Variants in CSMD1 observed in about 807,000 individuals in gnomAD.
CSMD1 encodes the protein CUB and sushi domain-containing protein 1.
CSMD1 carries 213 observed loss-of-function variants against 417.5 expected under a neutral mutation model. That is an observed-to-expected ratio of 0.51 (90% CI 0.46 to 0.57). CSMD1 has a LOEUF of 0.57. Among genes scored for constraint, CSMD1 ranks in the 20% least tolerant of loss-of-function variants. The pLI, the probability that CSMD1 is intolerant of heterozygous loss-of-function variation, is 0.00. For synonymous variants in CSMD1, 2,862 were observed against 1,736.8 expected, an observed-to-expected ratio of 1.65 and a Z score of -16.11; for missense variants, 6,923 against 4,529.7, an observed-to-expected ratio of 1.53 and a Z score of -15.17.
intron 65 of CSMD1, 133 bp from the exon 66 acceptor site, chr8:2,951,408 C>A: frequency 1.1e-6 from 1 of 883,012 alleles, no homozygotes; most frequent in Non-Finnish European, 1.7e-6. Context: ...ACAAGAGGAG[C>A]CTAGTGCATC....
chr8:4,174,557 A>C (rs994004955), intron 3 of CSMD1, among the ~76,000 whole-genome samples: 1 of 150,932 alleles, frequency 6.6e-6, no homozygotes, highest in African/African-American at 2.4e-5. Context: ...AGATGTTTTT[A>C]TAAATACTGC....
rs71207091 is a variant in CSMD1 at position 4,455,929 on chromosome 8, CAAAAAAAAAAAAA to C, written c.303-35877_303-35865del. Reference sequence around the variant, plus strand: ...GGGTGACAAAGTGAGACTCCAACTCCAAAAAAAAAAAAAAAAAAAAAAAAAAAAAAAAAATGCA... The same window carrying C: ...GGGTGACAAAGTGAGACTCCAACTCCAAAAAAAAAAAAAAAAAAAAATGCA... On this transcript the variant is annotated intron_variant, in intron 2 of 69. Coordinates refer to ENST00000635120, the MANE Select transcript of CSMD1 (RefSeq NM_033225.6). Among the ~76,000 whole-genome samples, 45 of 11,654 alleles carry C rather than the reference CAAAAAAAAAAAAA, an allele frequency of 3.9e-3. 1 individual carries two copies. The East Asian group carries it at 0.12, about 31-fold the overall frequency. The allele number at this position is 11,654 out of a possible 152,430, so 7.6% of individuals were successfully genotyped here.
chr8:3,304,694 CTG>C (rs1584963164), intron 25 of CSMD1, among the ~76,000 whole-genome samples: 1 of 150,304 alleles, frequency 6.7e-6, no homozygotes. Context: ...GCAATAAAAA[CTG>C]CACGTTTTTA....
At chr8:4,918,769 T>A (rs562077327) in intron 1 of CSMD1, among the ~76,000 whole-genome samples, 1 of 152,232 alleles carries the variant, frequency 6.6e-6, no homozygotes. Flanking sequence ...GGTATGTGCA[T>A]ATGGAATTTT....
chr8:3,384,720 A>AT (rs1554533456), intron 18 of CSMD1, among the ~76,000 whole-genome samples: 3 of 118,292 alleles, frequency 2.5e-5, no homozygotes, highest in African/African-American at 1.0e-4. Context: ...ATATATTTAT[A>AT]ATATTTATAT....
chr8:4,510,847 C>A (rs1802785322), intron 2 of CSMD1, among the ~76,000 whole-genome samples: 1 of 139,720 alleles, frequency 7.2e-6, no homozygotes, highest in Non-Finnish European at 1.6e-5. Flanking sequence ...CCTCCCTCCT[C>A]CCTCCTCCCT....
At chr8:4,422,545 T>C (rs1797308861) in intron 2 of CSMD1, among the ~76,000 whole-genome samples, 2 of 152,120 alleles carry the variant, frequency 1.3e-5, no homozygotes, top group South Asian at 2.1e-4. Context: ...GGAAGGATGC[T>C]GTCTACAAGT....
intron 3 of CSMD1, among the ~76,000 whole-genome samples, chr8:4,097,067 C>G (rs768393205): frequency 3.3e-5 from 5 of 152,168 alleles, no homozygotes; most frequent in South Asian, 2.1e-4. Flanking sequence ...TAAATGTTTA[C>G]TCTTTAATTA....
intron 2 of CSMD1, among the ~76,000 whole-genome samples, chr8:4,618,037 G>C (rs572864249): frequency 1.6e-4 from 24 of 152,294 alleles, no homozygotes; most frequent in African/African-American, 5.5e-4. Flanking sequence ...AGATCACTTA[G>C]AATATGCACT....
At position 4,593,499 on chromosome 8, in the gene CSMD1, C is replaced by A. The variant is rs61279889; in HGVS notation, c.302+43843G>T. 3.4e-3 allele frequency among the ~76,000 whole-genome samples: 510 copies of A among 152,130 alleles called. 4 individuals carry two copies. Among genetic ancestry groups the A allele is most frequent in the African/African-American group, 0.012 (492 of 41,520 alleles). On this transcript the variant is annotated intron_variant, in intron 2 of 69. Coordinates refer to ENST00000635120, the MANE Select transcript of CSMD1 (RefSeq NM_033225.6). ...ACATAAAAGAGAACGCTTTTAGAGT[C>A]TTGGATTATTTTTCAATTATAAATA... is the stretch of plus-strand genomic sequence containing the variant.
chr8:3,052,444 A>G lies in CSMD1; in HGVS notation c.7660+18T>C, dbSNP rs1268843886. The G allele has an allele frequency of 1.3e-6, 2 of 1,549,940 alleles. No individual in the cohort carries two copies. The highest frequency in any genetic ancestry group is 1.7e-6 in the Non-Finnish European group (2 of 1,146,006). On this transcript the variant is annotated intron_variant, in intron 50 of 69. Transcript: ENST00000635120. ...CACCTAAACCCACAAAGATGGGCAGATGCCCCTGAACACTTACGCTTACAC... is the reference window on the plus strand; with the variant it reads ...CACCTAAACCCACAAAGATGGGCAGGTGCCCCTGAACACTTACGCTTACAC...
intron 1 of CSMD1, among the ~76,000 whole-genome samples, chr8:4,703,874 G>A (rs1454118121): frequency 6.6e-6 from 1 of 152,160 alleles, no homozygotes; most frequent in Non-Finnish European, 1.5e-5. Flanking sequence ...GGACAGCAGG[G>A]TTGGGGGACG....
At chr8:3,263,438 A>G (rs897537494) in intron 26 of CSMD1, among the ~76,000 whole-genome samples, 1 of 152,148 alleles carries the variant, frequency 6.6e-6, no homozygotes. Context: ...TAATTCCCCT[A>G]TGTATATATG....
At chr8:4,573,140 C>G (rs1798965870) in intron 2 of CSMD1, among the ~76,000 whole-genome samples, 1 of 152,182 alleles carries the variant, frequency 6.6e-6, no homozygotes, top group African/African-American at 2.4e-5. Flanking sequence ...AACGCATTCC[C>G]TGTCCCGTTG....
chr8:3,541,923 G>A (rs952316705), intron 10 of CSMD1, among the ~76,000 whole-genome samples: 12 of 152,042 alleles, frequency 7.9e-5, no homozygotes, highest in South Asian at 2.1e-4. Context: ...TTAGCTGGGC[G>A]TGGTGGCTTG....
chr8:4,461,861 C>A (rs575213283), intron 2 of CSMD1, among the ~76,000 whole-genome samples: 1 of 151,716 alleles, frequency 6.6e-6, no homozygotes, highest in Non-Finnish European at 1.5e-5. Flanking sequence ...CTGCCTCAGC[C>A]TCCCGAGTAG....
chr8:3,028,813 G>A (rs1362209856), intron 51 of CSMD1, among the ~76,000 whole-genome samples: 1 of 152,138 alleles, frequency 6.6e-6, no homozygotes, highest in Admixed American at 6.5e-5. Context: ...AGAGTGCTCT[G>A]AACAATACTA....
intron 3 of CSMD1, among the ~76,000 whole-genome samples, chr8:4,095,127 C>G (rs926462470): frequency 1.3e-5 from 2 of 152,072 alleles, no homozygotes; most frequent in African/African-American, 4.8e-5. Flanking sequence ...ATGGAAAGAA[C>G]TTGGGAGGAA....
chr8:3,955,563 C>G (rs138034520), intron 5 of CSMD1, among the ~76,000 whole-genome samples: 337 of 152,262 alleles, frequency 2.2e-3, no homozygotes, highest in African/African-American at 7.8e-3. Context: ...AAAATGTTTA[C>G]ATATTCCATA....
Sources: gnomAD v4.1 joint callset for allele counts (sites outside exome capture counted in the v4.1 genomes callset) on GRCh38, gnomAD v4.1.1 for gene constraint, MANE v1.5 for transcripts, NCBI Gene and HGNC (gene_info 2026-07-23, HGNC 2026-07-21) for gene names.